PTPRO: variants seen among roughly 807,000 people sequenced by gnomAD.
The protein encoded by PTPRO is protein tyrosine phosphatase receptor type O, also known as receptor-type tyrosine-protein phosphatase O.
In PTPRO, 62 loss-of-function variants were observed where a neutral mutation model predicts 145.2. That is an observed-to-expected ratio of 0.43 (90% confidence interval 0.35 to 0.53). The LOEUF (loss-of-function observed/expected upper bound fraction) is 0.53, where lower values mean the gene tolerates loss of function less well. PTPRO is among the 20% of genes least tolerant of loss of function. The pLI is 0.01. For missense variants in PTPRO, 1,345 were observed against 1,482.7 expected (o/e 0.91, Z 1.53); for synonymous variants, 565 against 514.7 (o/e 1.10, Z -1.32).
chr12:15,554,651 T>A (rs1052923959), intron 15 of PTPRO, among the ~76,000 whole-genome samples: 1 of 152,026 alleles, frequency 6.6e-6, no homozygotes, highest in Non-Finnish European at 1.5e-5. Flanking sequence ...TCTCTCCTTT[T>A]CACATTTTTC....
chr12:15,330,767 T>C (rs1454480916), intron 1 of PTPRO, among the ~76,000 whole-genome samples: 1 of 152,202 alleles, frequency 6.6e-6, no homozygotes, highest in African/African-American at 2.4e-5. Flanking sequence ...CAATAGCTTC[T>C]CCCTGCTTCT....
intron 1 of PTPRO, among the ~76,000 whole-genome samples, chr12:15,432,870 T>A (rs1940482916): frequency 6.6e-6 from 1 of 152,220 alleles, no homozygotes; most frequent in African/African-American, 2.4e-5. Context: ...GCTTGTAAAT[T>A]TAAGTTCCTT....
intron 12 of PTPRO, among the ~76,000 whole-genome samples, chr12:15,542,041 T>A (rs1170461655): frequency 6.6e-6 from 1 of 152,026 alleles, no homozygotes; most frequent in Admixed American, 6.6e-5. Flanking sequence ...TCTGAGGTAC[T>A]AAGGGTTAGG....
At chr12:15,359,230 G>A (rs1323890809) in intron 1 of PTPRO, among the ~76,000 whole-genome samples, 1 of 152,088 alleles carries the variant, frequency 6.6e-6, no homozygotes. Flanking sequence ...TGGGGGAGGA[G>A]GGGTAATTAA....
chr12:15,491,892 G>A (rs1359115780), intron 2 of PTPRO, among the ~76,000 whole-genome samples: 1 of 152,180 alleles, frequency 6.6e-6, no homozygotes, highest in Non-Finnish European at 1.5e-5. Flanking sequence ...ACGCTAGACA[G>A]GGCACAGAGC....
intron 1 of PTPRO, among the ~76,000 whole-genome samples, chr12:15,371,987 A>G (rs951936188): frequency 2.0e-5 from 3 of 152,148 alleles, no homozygotes; most frequent in African/African-American, 7.2e-5. Context: ...CCTCTTTCCT[A>G]TATAAATTGC....
chr12:15,379,216 CCAAT>C (rs1938780417), intron 1 of PTPRO, among the ~76,000 whole-genome samples: 1 of 151,798 alleles, frequency 6.6e-6, no homozygotes, highest in Non-Finnish European at 1.5e-5. Flanking sequence ...AAAATCGGGA[CCAAT>C]CAAAGATGAA....
intron 12 of PTPRO, among the ~76,000 whole-genome samples, chr12:15,533,032 A>C (rs907759819): frequency 1.3e-5 from 2 of 152,188 alleles, no homozygotes; most frequent in Admixed American, 6.5e-5. Flanking sequence ...TCTATGTGAC[A>C]TCATGGTCGA....
chr12:15,387,301 C>G (rs1173453084), intron 1 of PTPRO, among the ~76,000 whole-genome samples: 55 of 149,670 alleles, frequency 3.7e-4, no homozygotes, highest in Non-Finnish European at 1.5e-5. Flanking sequence ...TTAGCCTTGT[C>G]CAATAAAAAT....
At chr12:15,508,867 T>G (rs1329109460) in intron 7 of PTPRO, 100 bp downstream of exon 7, 2 of 1,217,112 alleles carry the variant, frequency 1.6e-6, no homozygotes, top group Non-Finnish European at 2.4e-6. Flanking sequence ...GGCTGAGGTC[T>G]GCTGGGATGG....
At chr12:15,448,904 G>A (rs1398472148) in intron 1 of PTPRO, among the ~76,000 whole-genome samples, 1 of 151,886 alleles carries the variant, frequency 6.6e-6, no homozygotes, top group African/African-American at 2.4e-5. Context: ...AGTGAAATAA[G>A]CCAGACACAG....
intron 3 of PTPRO, among the ~76,000 whole-genome samples, chr12:15,497,877 C>T (rs374283169): frequency 1.9e-4 from 29 of 152,284 alleles, no homozygotes; most frequent in African/African-American, 5.1e-4. Flanking sequence ...AAATTAGTTT[C>T]GCTTTTTCAC....
At position 15,560,303 on chromosome 12, in the gene PTPRO, C is replaced by T. The variant is rs746001537; in HGVS notation, c.2711+27C>T. On this transcript the variant is annotated intron_variant, in intron 17 of 26. Transcript: ENST00000281171. ...TAAGTGATTTTTTTTTACTGTTTAA[C>T]ACAAACTCTTTAAAAGTTAGCTTTC... is the stretch of plus-strand genomic sequence containing the variant. 4 of 1,480,544 alleles carry T rather than the reference C, an allele frequency of 2.7e-6. No individual in the cohort carries two copies. In the Admixed American group the frequency reaches 5.0e-5, roughly 19 times the overall value. 91.7% of individuals were successfully genotyped at this position (1,480,544 alleles called of 1,614,324 possible).
At chr12:15,357,921 A>G (rs1215195340) in intron 1 of PTPRO, among the ~76,000 whole-genome samples, 63 of 151,070 alleles carry the variant, frequency 4.2e-4, no homozygotes, top group African/African-American at 1.5e-3. Context: ...ATGCTGCTAT[A>G]AAGACACATG....
At chr12:15,325,071 C>T (rs541092622) in intron 1 of PTPRO, among the ~76,000 whole-genome samples, 2 of 152,154 alleles carry the variant, frequency 1.3e-5, no homozygotes, top group South Asian at 2.1e-4. Context: ...CCACGTGTGC[C>T]GAGTCAGAAA....
intron 1 of PTPRO, among the ~76,000 whole-genome samples, chr12:15,354,687 T>C (rs1296535543): frequency 6.6e-6 from 1 of 152,168 alleles, no homozygotes; most frequent in Non-Finnish European, 1.5e-5. Flanking sequence ...AAAGGAGCCA[T>C]ATAAAAAAGG....
At chr12:15,376,336 G>T (rs1293395247) in intron 1 of PTPRO, among the ~76,000 whole-genome samples, 2 of 152,116 alleles carry the variant, frequency 1.3e-5, no homozygotes, top group Non-Finnish European at 1.5e-5. Context: ...TGTCAACCAA[G>T]AATTCTATAT....
chr12:15,463,897 G>T (rs1266219036), intron 1 of PTPRO, among the ~76,000 whole-genome samples: 2 of 152,148 alleles, frequency 1.3e-5, no homozygotes, highest in Non-Finnish European at 1.5e-5. Context: ...GAGAATATGT[G>T]GTTAAAGGCT....
intron 19 of PTPRO, among the ~76,000 whole-genome samples, chr12:15,572,870 TAGG>T (rs1440267704): frequency 6.6e-6 from 1 of 152,044 alleles, no homozygotes; most frequent in African/African-American, 2.4e-5. Flanking sequence ...TATAATAGCT[TAGG>T]AGGAGGATGC....
Sources: allele counts gnomAD v4.1 joint callset (sites outside exome capture counted in the v4.1 genomes callset), GRCh38; gene constraint gnomAD v4.1.1; transcripts MANE v1.5; gene names NCBI Gene and HGNC (gene_info 2026-07-23, HGNC 2026-07-21).